The following SRR variants were observed in gnomAD, a reference collection of about 807,000 sequenced individuals.
SRR encodes D-serine ammonia-lyase.
A neutral mutation model predicts 32.7 loss-of-function variants in SRR; 19 were observed. The ratio of observed to expected loss-of-function variants is 0.58; its 90% CI spans 0.40 to 0.85. SRR has a LOEUF of 0.85. SRR is among the 40% of genes least tolerant of loss of function. SRR has a pLI of 0.00. For synonymous variants in SRR, 142 were observed against 140.9 expected (o/e 1.01, Z -0.06); for missense variants, 373 against 404.7 (o/e 0.92, Z 0.67).
At chr17:2,314,112 A>G (rs1279605480) in intron 1 of SRR, among the ~76,000 whole-genome samples, 1 of 152,206 alleles carries the variant, frequency 6.6e-6, no homozygotes, top group African/African-American at 2.4e-5. Context: ...CAAATGTAGG[A>G]GCAAATAAAA....
rs191599113 is a variant in SRR, at chr17:2,320,539, C to T, written c.400-767C>T. Among the ~76,000 whole-genome samples, 3 of 151,492 alleles carry T rather than the reference C, an allele frequency of 2.0e-5. No homozygotes were observed. The East Asian group carries it at 5.8e-4, about 29-fold the overall frequency. Reference sequence around the variant, plus strand: ...AAAGTGCTGGGATTACAAGTGTGAGCCACCGTGCCTGGTCCCTCATCTTCT... The same window carrying T: ...AAAGTGCTGGGATTACAAGTGTGAGTCACCGTGCCTGGTCCCTCATCTTCT... On this transcript the variant is annotated intron_variant, in intron 4 of 7. Coordinates refer to ENST00000344595, the MANE Select transcript of SRR (RefSeq NM_021947.3).
intron 1 of SRR, among the ~76,000 whole-genome samples, chr17:2,313,309 A>G (rs1191386232): frequency 6.6e-6 from 1 of 151,766 alleles, no homozygotes; most frequent in Non-Finnish European, 1.5e-5. Context: ...AGGCGCCTGT[A>G]ATCCCAGCTA....
chr17:2,318,777 TTTCTA>T lies in SRR; in HGVS notation c.296-43_296-39del, dbSNP rs750820557. ...GACCCACCGTGCCTGGCCACATAAG[TTTCTA>T]TTCTAAATTCTCCTGACTTTTTCCT... is the stretch of plus-strand genomic sequence containing the variant. On this transcript the variant is annotated intron_variant, in intron 3 of 7. Coordinates refer to ENST00000344595, the MANE Select transcript of SRR (RefSeq NM_021947.3). 4 of 1,457,398 alleles carry T rather than the reference TTTCTA, an allele frequency of 2.7e-6. No homozygotes were observed. The East Asian group carries it at 9.1e-5, about 33-fold the overall frequency. The allele number at this position is 1,457,398 out of a possible 1,614,324, so 90.3% of individuals were successfully genotyped here.
chr17:2,314,248 G>A (rs1231449466), intron 1 of SRR, among the ~76,000 whole-genome samples: 2 of 151,974 alleles, frequency 1.3e-5, no homozygotes, highest in African/African-American at 2.4e-5. Flanking sequence ...TCGGGAGTTC[G>A]AGACCAGCCT....
intron 1 of SRR, chr17:2,306,666 G>A (rs1279033706): frequency 7.3e-6 from 3 of 412,038 alleles, no homozygotes; most frequent in South Asian, 5.3e-5. Context: ...GCAGTGAGCC[G>A]AGATCACGCC....
At chr17:2,307,836 G>A (rs1259322352) in intron 1 of SRR, 4 of 664,822 alleles carry the variant, frequency 6.0e-6, no homozygotes, top group African/African-American at 3.6e-5. Context: ...CTGCTACAAA[G>A]AAGATATGTT....
intron 1 of SRR, among the ~76,000 whole-genome samples, chr17:2,308,805 G>A (rs187169871): frequency 9.5e-4 from 144 of 152,096 alleles, no homozygotes; most frequent in African/African-American, 3.3e-3. Flanking sequence ...TGGTGACAGA[G>A]TGAGACTCCA....
chr17:2,307,522 G>C, intron 1 of SRR: 1 of 1,294,104 alleles, frequency 7.7e-7, no homozygotes, highest in Admixed American at 1.7e-5. Flanking sequence ...AGCAATTTTG[G>C]AGGTGGAAGC....
intron 1 of SRR, chr17:2,307,616 C>T (rs983397805): frequency 8.4e-6 from 8 of 956,590 alleles, no homozygotes; most frequent in Admixed American, 3.4e-5. Context: ...GAAGCTCTGG[C>T]CCCTATGGTG....
chr17:2,310,047 G>A (rs1567774365), intron 1 of SRR: 1 of 152,122 alleles, frequency 6.6e-6, no homozygotes, highest in Non-Finnish European at 1.5e-5. Context: ...AGTTCCTGAA[G>A]CTCCATATTC....
upstream of SRR, chr17:2,303,711 CT>C: frequency 6.7e-7 from 1 of 1,492,904 alleles, no homozygotes; most frequent in Admixed American, 2.2e-5. Flanking sequence ...CGCTCCAGCC[CT>C]TCCGCCATCT....
chr17:2,324,698 A>C lies in SRR; in HGVS notation c.*825A>C. Reference sequence around the variant, plus strand: ...CCTCCTTCATACCCACCTCTGTTGAAGAACATGTAACGTACTACTGCCATC... The same window carrying C: ...CCTCCTTCATACCCACCTCTGTTGACGAACATGTAACGTACTACTGCCATC... On this transcript the variant is annotated 3_prime_UTR_variant, in exon 8 of 8. Transcript: ENST00000344595. 6.2e-7 allele frequency: 1 copy of C among 1,614,176 alleles called. No individual in the cohort carries two copies.
At chr17:2,316,150 G>A (rs571744041) in intron 2 of SRR, among the ~76,000 whole-genome samples, 1 of 152,214 alleles carries the variant, frequency 6.6e-6, no homozygotes, top group South Asian at 2.1e-4. Flanking sequence ...TTCTCATTGT[G>A]TTATAGCTGC....
upstream of SRR, chr17:2,303,937 GC>G: frequency 7.5e-6 from 3 of 401,406 alleles, no homozygotes; most frequent in Non-Finnish European, 1.3e-5. Flanking sequence ...GGTGGGGCGG[GC>G]GGGCGCTGCG....
chr17:2,324,650 C>T lies in SRR; in HGVS notation c.*777C>T. ...AAATGTAAACCCAACCTTTATACCACAAAGGCAATCAGATCCCATCCTCCT... is the reference window on the plus strand; with the variant it reads ...AAATGTAAACCCAACCTTTATACCATAAAGGCAATCAGATCCCATCCTCCT... On this transcript the variant is annotated 3_prime_UTR_variant, in exon 8 of 8. Coordinates refer to ENST00000344595, the MANE Select transcript of SRR (RefSeq NM_021947.3). 6.2e-7 allele frequency: 1 copy of T among 1,613,988 alleles called. No individual in the cohort carries two copies. Among genetic ancestry groups the T allele is most frequent in the Non-Finnish European group, 8.5e-7 (1 of 1,179,946 alleles).
Position 2,323,297 on chromosome 17 carries a change from C to A in SRR, c.756C>A (p.Ile252=). The part of the protein sequence containing the change: ...SSIGLNTWPI[I]RDLVDDIFTV... ...TTGGCTTGAACACCTGGCCTATTATCAGGGACCTTGTGGATGATATCTTCA... is the reference window on the plus strand; with the variant it reads ...TTGGCTTGAACACCTGGCCTATTATAAGGGACCTTGTGGATGATATCTTCA... Residue 252 remains isoleucine, a synonymous_variant, in exon 7 of 8, where the codon ATC becomes ATA. Coordinates refer to ENST00000344595, the MANE Select transcript of SRR (RefSeq NM_021947.3). 4 of 1,614,070 alleles carry A rather than the reference C, an allele frequency of 2.5e-6. No individual in the cohort carries two copies. Among genetic ancestry groups the A allele is most frequent in the Non-Finnish European group, 3.4e-6 (4 of 1,179,950 alleles).
chr17:2,318,049 G>C, intron 3 of SRR, 53 bp downstream of exon 3: 1 of 1,505,436 alleles, frequency 6.6e-7, no homozygotes, highest in Non-Finnish European at 9.0e-7. Context: ...GTGGAAAAGT[G>C]CCCTTAATTT....
intron 1 of SRR, among the ~76,000 whole-genome samples, chr17:2,306,403 C>A (rs1484129046): frequency 6.6e-6 from 1 of 151,754 alleles, no homozygotes; most frequent in Non-Finnish European, 1.5e-5. Flanking sequence ...ACATTCTAAC[C>A]ATTTGGAATT....
At chr17:2,316,524 T>A (rs2075473935) in intron 2 of SRR, among the ~76,000 whole-genome samples, 2 of 152,164 alleles carry the variant, frequency 1.3e-5, no homozygotes, top group Admixed American at 6.6e-5. Context: ...TACACATGGA[T>A]ACATTATCAA....
Sources: allele counts gnomAD v4.1 joint callset (sites outside exome capture counted in the v4.1 genomes callset), GRCh38; gene constraint gnomAD v4.1.1; transcripts MANE v1.5; gene names NCBI Gene and HGNC (gene_info 2026-07-23, HGNC 2026-07-21).